Variants in NCK1 observed in about 807,000 individuals in gnomAD.
NCK1 encodes SH2/SH3 adapter protein NCK1.
NCK1 carries 19 observed loss-of-function variants against 36.6 expected under a neutral mutation model. That is an observed-to-expected ratio of 0.52 (90% CI 0.36 to 0.76). NCK1 has a LOEUF of 0.76. NCK1 is among the 30% of genes least tolerant of loss of function. The pLI is 0.00. For missense variants in NCK1, 358 were observed against 445.6 expected (o/e 0.80, Z 1.77); for synonymous variants, 165 against 156.0 (o/e 1.06, Z -0.43).
chr3:136,867,054 T>C (rs992451570), intron 1 of NCK1, among the ~76,000 whole-genome samples: 2 of 392 alleles, frequency 5.1e-3, no homozygotes, highest in Admixed American at 0.014. Flanking sequence ...TTGCTTTTCT[T>C]TCTTTCTTTC....
rs536306232 is a variant in NCK1, at chr3:136,915,418, A to G, written c.-18-12566A>G. 4.4e-4 allele frequency among the ~76,000 whole-genome samples: 67 copies of G among 152,016 alleles called. 1 individual carries two copies. Among genetic ancestry groups the G allele is most frequent in the African/African-American group, 1.5e-3 (63 of 41,454 alleles). ...AGGTGTATGAAGATGTGCCTATGCA[A>G]TAATATTGTAGAAGTTGCAAAGTTC... On this transcript the variant is annotated intron_variant, in intron 1 of 3. Coordinates refer to ENST00000481752, the MANE Select transcript of NCK1 (RefSeq NM_001291999.2).
intron 1 of NCK1, among the ~76,000 whole-genome samples, chr3:136,875,756 T>G (rs1398903473): frequency 6.8e-6 from 1 of 147,948 alleles, no homozygotes; most frequent in Non-Finnish European, 1.5e-5. Flanking sequence ...AGACAGAAAG[T>G]CAACAAGGAT....
intron 1 of NCK1, among the ~76,000 whole-genome samples, chr3:136,902,484 C>T (rs1201877554): frequency 6.6e-6 from 1 of 152,154 alleles, no homozygotes; most frequent in Non-Finnish European, 1.5e-5. Context: ...CGCGAGCTAT[C>T]CCACCTGGCC....
At chr3:136,930,725 T>C in intron 2 of NCK1, 1 of 681,008 alleles carries the variant, frequency 1.5e-6, no homozygotes, top group Non-Finnish European at 2.1e-6. Context: ...GTATGTAATA[T>C]AAACCAAATG....
rs139116821 is a variant in NCK1 at position 136,890,448 on chromosome 3, A to G, written c.-19+28095A>G. On this transcript the variant is annotated intron_variant, in intron 1 of 3. Transcript: ENST00000481752. ...TTGGCCAGCCCAGAAAGGGGCTCCC[A>G]CAGTGCAGTGGTGGGCTGAAGGGCT... is the stretch of plus-strand genomic sequence containing the variant. 8.5e-3 allele frequency among the ~76,000 whole-genome samples: 1,300 copies of G among 152,290 alleles called. 23 individuals are homozygous for G. Among genetic ancestry groups the G allele is most frequent in the African/African-American group, 0.03 (1,249 of 41,572 alleles).
At chr3:136,926,505 G>A (rs1039290441) in intron 1 of NCK1, among the ~76,000 whole-genome samples, 1 of 152,048 alleles carries the variant, frequency 6.6e-6, no homozygotes, top group Admixed American at 6.6e-5. Flanking sequence ...TCGATCTCCT[G>A]AACTTGTGAT....
intron 3 of NCK1, among the ~76,000 whole-genome samples, chr3:136,947,966 C>T (rs978223481): frequency 2.0e-5 from 3 of 151,984 alleles, no homozygotes; most frequent in Admixed American, 2.0e-4. Context: ...TGGGTGTCTG[C>T]TGTTGGAGCC....
intron 1 of NCK1, among the ~76,000 whole-genome samples, chr3:136,923,001 G>A (rs563528266): frequency 1.3e-5 from 2 of 152,246 alleles, no homozygotes; most frequent in South Asian, 2.1e-4. Context: ...AGTAGTAGAT[G>A]TATTAGTAAA....
intron 1 of NCK1, among the ~76,000 whole-genome samples, chr3:136,916,549 C>T (rs527981612): frequency 6.6e-6 from 1 of 152,062 alleles, no homozygotes; most frequent in Non-Finnish European, 1.5e-5. Context: ...AATATGCTTA[C>T]TAGAAGAGAT....
At chr3:136,939,862 TA>T (rs1553798510) in intron 2 of NCK1, among the ~76,000 whole-genome samples, 466 of 19,408 alleles carry the variant, frequency 0.024, 133 homozygotes, top group Middle Eastern at 0.088. Context: ...TTTTTTTTTT[TA>T]AAATAGAGAC....
chr3:136,880,214 G>A lies in NCK1; in HGVS notation c.-19+17861G>A, dbSNP rs574171831. On this transcript the variant is annotated intron_variant, in intron 1 of 3. Coordinates refer to ENST00000481752, the MANE Select transcript of NCK1 (RefSeq NM_001291999.2). ...GCAGGAGAATGGCGTGAACCCGGGA[G>A]GTGGAGCTTGCAGTGAGCCGAGATC... is the stretch of plus-strand genomic sequence containing the variant. 9.2e-5 allele frequency among the ~76,000 whole-genome samples: 14 copies of A among 152,104 alleles called. 1 individual carries two copies. In the South Asian group the frequency reaches 2.9e-3, roughly 32 times the overall value.
At chr3:136,901,478 G>A (rs1178715383) in intron 1 of NCK1, among the ~76,000 whole-genome samples, 2 of 151,852 alleles carry the variant, frequency 1.3e-5, no homozygotes, top group African/African-American at 4.8e-5. Flanking sequence ...TGAGTGTTTG[G>A]TAGAATTTGG....
rs967129162 is a variant in NCK1, at chr3:136,895,593, C to T, written c.-18-32391C>T. 3.3e-5 allele frequency among the ~76,000 whole-genome samples: 5 copies of T among 151,882 alleles called. No homozygotes were observed. The South Asian group carries it at 6.2e-4, about 19-fold the overall frequency. On this transcript the variant is annotated intron_variant, in intron 1 of 3. Coordinates refer to ENST00000481752, the MANE Select transcript of NCK1 (RefSeq NM_001291999.2). ...TATTATTTATTTTTTGAGATGGAGT[C>T]CCACTCTGTTGCCCAGGCTGGAGTG...
At chr3:136,880,539 A>C (rs1938903690) in intron 1 of NCK1, among the ~76,000 whole-genome samples, 1 of 152,092 alleles carries the variant, frequency 6.6e-6, no homozygotes, top group East Asian at 1.9e-4. Context: ...TTGATTTCAG[A>C]CTTCTGGCCT....
intron 2 of NCK1, among the ~76,000 whole-genome samples, chr3:136,936,354 T>C (rs747670701): frequency 1.3e-5 from 2 of 152,234 alleles, no homozygotes; most frequent in Non-Finnish European, 2.9e-5. Context: ...TGAATAACTA[T>C]TATATGTATA....
At chr3:136,937,191 G>C (rs1560053255) in intron 2 of NCK1, among the ~76,000 whole-genome samples, 1 of 152,134 alleles carries the variant, frequency 6.6e-6, no homozygotes, top group Non-Finnish European at 1.5e-5. Context: ...ATATCCATTT[G>C]TTCCAGTACC....
chr3:136,943,952 A>G (rs1375338726), intron 2 of NCK1, among the ~76,000 whole-genome samples: 3 of 152,118 alleles, frequency 2.0e-5, no homozygotes, highest in African/African-American at 7.2e-5. Flanking sequence ...GAGGACTTTA[A>G]AAGTTACTGA....
intron 2 of NCK1, among the ~76,000 whole-genome samples, chr3:136,940,043 T>G (rs961028188): frequency 6.6e-6 from 1 of 151,910 alleles, no homozygotes; most frequent in Non-Finnish European, 1.5e-5. Context: ...TTTTTATTTT[T>G]GTAGAGACAA....
Position 136,948,376 on chromosome 3 carries a change from G to A in NCK1, c.1057G>A (p.Val353Ile). 2 of 1,613,234 alleles carry A rather than the reference G, an allele frequency of 1.2e-6. No homozygotes were observed. Among genetic ancestry groups the A allele is most frequent in the African/African-American group, 1.3e-5 (1 of 74,990 alleles). ...TAAATTCAGCACCATGGAAGAACTT[G>A]TAGAACATTACAAAAAGGCACCAAT... ...QRKFSTMEEL[V>I]EHYKKAPIFT... is the part of the protein sequence containing the mutation. Residue 353 changes from valine (V) to isoleucine (I), a missense_variant, in exon 4 of 4, where the codon GTA (valine) becomes ATA (isoleucine). By Grantham distance (29) the Val-to-Ile change is conservative (BLOSUM62 3). Transcript: ENST00000481752.
Sources: gnomAD v4.1 joint callset for allele counts (sites outside exome capture counted in the v4.1 genomes callset) on GRCh38, gnomAD v4.1.1 for gene constraint, MANE v1.5 for transcripts, NCBI Gene and HGNC (gene_info 2026-07-23, HGNC 2026-07-21) for gene names.